Variants in GTF2IRD1 observed in about 807,000 individuals in gnomAD.
The protein encoded by GTF2IRD1 is general transcription factor II-I repeat domain-containing protein 1.
GTF2IRD1 carries 26 observed loss-of-function variants against 113.2 expected under a neutral mutation model. That is an observed-to-expected ratio of 0.23 (90% CI 0.17 to 0.32). GTF2IRD1 has a LOEUF of 0.32. GTF2IRD1 is among the 10% of genes least tolerant of loss of function. The probability of loss-of-function intolerance (pLI) is 1.00; values close to 1 mark genes in which losing one functional copy is unlikely to be tolerated. For missense variants in GTF2IRD1, 864 were observed against 1,280.8 expected (o/e 0.67, Z 4.97); for synonymous variants, 484 against 529.1 (o/e 0.91, Z 1.17).
chr7:74,553,505 C>T (rs1302067222), intron 17 of GTF2IRD1, among the ~76,000 whole-genome samples: 1 of 152,032 alleles, frequency 6.6e-6, no homozygotes, highest in Non-Finnish European at 1.5e-5. Context: ...CCAAGCTGGT[C>T]TCCAACTCCT....
At chr7:74,454,387 C>T (rs2116817488) in intron 1 of GTF2IRD1, among the ~76,000 whole-genome samples, 2 of 151,670 alleles carry the variant, frequency 1.3e-5, no homozygotes, top group South Asian at 2.1e-4. Context: ...GGACGGCCGC[C>T]CCCCACCTGC....
rs370826084 is a variant in GTF2IRD1, at chr7:74,518,363, C to CCAGGGCCGGGT, written c.605+52_605+62dup. 4.0e-6 allele frequency: 6 copies of CCAGGGCCGGGT among 1,503,518 alleles called. No individual in the cohort carries two copies. In the Admixed American group the frequency reaches 9.8e-5, roughly 25 times the overall value. 93.1% of individuals were successfully genotyped at this position (1,503,518 alleles called of 1,614,324 possible). A position where few individuals can be genotyped will look rare whatever the true frequency, so the allele number is the denominator to read the frequency against. On this transcript the variant is annotated intron_variant, in intron 5 of 26. Coordinates refer to ENST00000424337, the MANE Select transcript of GTF2IRD1 (RefSeq NM_005685.4). Reference sequence around the variant, plus strand: ...GGCCCGGGGCTGGGCTGGGGCTGGGCCAGGGCCGGGTCAGGGCCGGGGGCT... The same window carrying CCAGGGCCGGGT: ...GGCCCGGGGCTGGGCTGGGGCTGGGCCAGGGCCGGGTCAGGGCCGGGTCAGGGCCGGGGGCT...
At chr7:74,552,417 G>C (rs191052990) in intron 17 of GTF2IRD1, among the ~76,000 whole-genome samples, 4 of 152,194 alleles carry the variant, frequency 2.6e-5, no homozygotes, top group Non-Finnish European at 4.4e-5. Context: ...TCAGGAGACT[G>C]AGGCAGGAGA....
intron 22 of GTF2IRD1, among the ~76,000 whole-genome samples, chr7:74,570,023 GAA>G (rs1397831213): frequency 6.6e-6 from 1 of 152,084 alleles, no homozygotes; most frequent in African/African-American, 2.4e-5. Flanking sequence ...CTTTGGGTAA[GAA>G]GAGCTGAGTC....
chr7:74,458,208 A>C lies in GTF2IRD1; in HGVS notation c.-7+4032A>C, dbSNP rs577480899. Among the ~76,000 whole-genome samples the C allele has an allele frequency of 2.9e-4, 44 of 152,136 alleles. 2 individuals are homozygous for C. In the South Asian group the frequency reaches 8.1e-3, roughly 28 times the overall value. On this transcript the variant is annotated intron_variant, in intron 1 of 26. Transcript: ENST00000424337. ...TTGATTGGGGGGCTTCCGGGATAAT[A>C]TGGGGCCGCTAGGACAGGGACCCTT... is the stretch of plus-strand genomic sequence containing the variant.
intron 7 of GTF2IRD1, among the ~76,000 whole-genome samples, chr7:74,522,334 A>G (rs1164913686): frequency 2.6e-5 from 4 of 152,030 alleles, no homozygotes; most frequent in Non-Finnish European, 5.9e-5. Context: ...CCAAGAAGGA[A>G]TGCAGTAGGA....
At chr7:74,532,922 T>C (rs1364256613) in intron 9 of GTF2IRD1, among the ~76,000 whole-genome samples, 1 of 151,966 alleles carries the variant, frequency 6.6e-6, no homozygotes, top group African/African-American at 2.4e-5. Context: ...GTCCAGCCAC[T>C]CCATGGCAGG....
chr7:74,572,304 T>A (rs1177930542), intron 22 of GTF2IRD1, among the ~76,000 whole-genome samples: 3 of 152,178 alleles, frequency 2.0e-5, no homozygotes, highest in South Asian at 4.1e-4. Flanking sequence ...AGCTGTGTGA[T>A]CTTGGATAAG....
At chr7:74,499,969 A>G (rs1465783800) in intron 1 of GTF2IRD1, among the ~76,000 whole-genome samples, 1 of 152,218 alleles carries the variant, frequency 6.6e-6, no homozygotes, top group Non-Finnish European at 1.5e-5. Context: ...TGTACACATC[A>G]AGGAATTAGT....
intron 3 of GTF2IRD1, 152 bp from the exon 4 acceptor site, chr7:74,515,289 G>T: frequency 6.7e-7 from 1 of 1,486,490 alleles, no homozygotes; most frequent in Non-Finnish European, 9.0e-7. Flanking sequence ...AATAGGGCTT[G>T]CTCACTCATT....
intron 22 of GTF2IRD1, among the ~76,000 whole-genome samples, chr7:74,586,908 G>A (rs1424053697): frequency 2.0e-5 from 3 of 151,698 alleles, no homozygotes; most frequent in Non-Finnish European, 4.4e-5. Context: ...ACTTTCGGAG[G>A]CTGCGGACAG....
chr7:74,538,042 C>T, intron 11 of GTF2IRD1, 94 bp from the exon 12 acceptor site: 2 of 1,250,564 alleles, frequency 1.6e-6, no homozygotes, highest in Non-Finnish European at 2.3e-6. Context: ...TGCAGTGGCG[C>T]CCGCGGTGGG....
At chr7:74,592,343 GATCCACCT>G (rs1802108656) in intron 24 of GTF2IRD1, among the ~76,000 whole-genome samples, 1 of 151,670 alleles carries the variant, frequency 6.6e-6, no homozygotes, top group Admixed American at 6.6e-5. Context: ...GACCTCAGGT[GATCCACCT>G]ACCTCAGCCT....
Position 74,493,110 on chromosome 7 carries a change from C to CTT in GTF2IRD1, c.-6-14950_-6-14949dup, listed in dbSNP as rs60137731. ...CCTGGCATGACCTCTTCTTCTTCTT[C>CTT]TTTTTTTTTTTTTTTTGAGATAGGG... On this transcript the variant is annotated intron_variant, in intron 1 of 26. Transcript: ENST00000424337. Among the ~76,000 whole-genome samples, 197 of 134,274 alleles carry CTT rather than the reference C, an allele frequency of 1.5e-3. 1 individual carries two copies. Among genetic ancestry groups the CTT allele is most frequent in the African/African-American group, 4.8e-3 (172 of 35,702 alleles). 88.1% of individuals were successfully genotyped at this position (134,274 alleles called of 152,430 possible).
chr7:74,533,054 G>A (rs1308076243), intron 9 of GTF2IRD1, among the ~76,000 whole-genome samples: 1 of 151,894 alleles, frequency 6.6e-6, no homozygotes, highest in Admixed American at 6.6e-5. Flanking sequence ...GCAGGAGAGT[G>A]TGTGAGCCCA....
intron 1 of GTF2IRD1, among the ~76,000 whole-genome samples, chr7:74,500,510 C>G (rs1248131930): frequency 6.6e-6 from 1 of 151,974 alleles, no homozygotes; most frequent in Admixed American, 6.5e-5. Context: ...GGTTCAACCC[C>G]AAGCCAGTGC....
intron 1 of GTF2IRD1, among the ~76,000 whole-genome samples, chr7:74,492,170 ATTTT>A (rs782415786): frequency 7.4e-6 from 1 of 135,766 alleles, no homozygotes; most frequent in Non-Finnish European, 1.6e-5. Context: ...TTCCCGGCTA[ATTTT>A]TTTTTTTTTT....
At chr7:74,493,775 G>C (rs782301164) in intron 1 of GTF2IRD1, among the ~76,000 whole-genome samples, 3 of 152,082 alleles carry the variant, frequency 2.0e-5, no homozygotes, top group African/African-American at 4.8e-5. Context: ...CTGGAGTGCA[G>C]TGGTGTGATC....
intron 1 of GTF2IRD1, among the ~76,000 whole-genome samples, chr7:74,479,501 G>T (rs1794615849): frequency 6.6e-6 from 1 of 152,144 alleles, no homozygotes; most frequent in Admixed American, 6.6e-5. Flanking sequence ...TCTAGGGGAG[G>T]TGGGTGCTGC....
Sources: gnomAD v4.1 joint callset for allele counts (sites outside exome capture counted in the v4.1 genomes callset) on GRCh38, gnomAD v4.1.1 for gene constraint, MANE v1.5 for transcripts, NCBI Gene and HGNC (gene_info 2026-07-23, HGNC 2026-07-21) for gene names.